The following ZNF737 variants were observed in gnomAD, a reference collection of about 807,000 sequenced individuals.
ZNF737 encodes the protein zinc finger protein 737.
ZNF737 carries 13 observed loss-of-function variants against 11.7 expected under a neutral mutation model. That is an observed-to-expected ratio of 1.11 (90% CI 0.73 to 1.77). The LOEUF (loss-of-function observed/expected upper bound fraction) is 1.77, where lower values mean the gene tolerates loss of function less well. Among genes scored for constraint, ZNF737 ranks in the 40% most tolerant of loss-of-function variants. The pLI, the probability that ZNF737 is intolerant of heterozygous loss-of-function variation, is 0.00. For missense variants in ZNF737, 636 were observed against 638.0 expected, an observed-to-expected ratio of 1.00 and a Z score of 0.03; for synonymous variants, 217 against 216.2, an observed-to-expected ratio of 1.00 and a Z score of -0.03.
At position 20,544,641 on chromosome 19, in the gene ZNF737, G is replaced by C. The variant is rs782096563; in HGVS notation, c.1562C>G (p.Pro521Arg). The C allele has an allele frequency of 1.2e-6, 2 of 1,610,812 alleles. No individual in the cohort carries two copies. Among genetic ancestry groups the C allele is most frequent in the East Asian group, 4.5e-5 (2 of 44,722 alleles). ...TACCTTATGTGTAGTAAGGGTAGAG[G>C]GGCACTTAAAGCCTTTGCCACATTC... ...CEECGKGFKC[P>R]STLTTHKVIH... The change falls in exon 4 of 4, where the codon CCC (proline) becomes CGC (arginine). Residue 521 changes from proline to arginine, a missense_variant. Pro to Arg is a moderately radical substitution (Grantham distance 103, BLOSUM62 -2). Coordinates refer to ENST00000427401, the MANE Select transcript of ZNF737 (RefSeq NM_001159293.2).
At position 20,544,572 on chromosome 19, in the gene ZNF737, C is replaced by A; in HGVS notation, c.*20G>T. ...AAAAGCATAGTGGGATAGCTTAAAGCTTTGCCACATTCCTCACATTTATAG... is the reference window on the plus strand; with the variant it reads ...AAAAGCATAGTGGGATAGCTTAAAGATTTGCCACATTCCTCACATTTATAG... On this transcript the variant is annotated 3_prime_UTR_variant, in exon 4 of 4. Transcript: ENST00000427401. The A allele has an allele frequency of 6.3e-7, 1 of 1,580,542 alleles. No homozygotes were observed. The highest frequency in any genetic ancestry group is 1.1e-5 in the South Asian group (1 of 87,110).
chr19:20,561,268 G>A (rs1969083431), intron 1 of ZNF737, among the ~76,000 whole-genome samples: 1 of 152,164 alleles, frequency 6.6e-6, no homozygotes, highest in Non-Finnish European at 1.5e-5. Context: ...TGGGGGTGGG[G>A]ATACGCCAGG....
chr19:20,537,865 CATG>C (rs1968042001), downstream of ZNF737: 3 of 169,486 alleles, frequency 1.8e-5, no homozygotes, highest in African/African-American at 7.2e-5. Flanking sequence ...GCTAAGAAGA[CATG>C]ATCTTATTCA....
intron 2 of ZNF737, among the ~76,000 whole-genome samples, chr19:20,553,059 T>G (rs970486291): frequency 1.3e-5 from 2 of 151,902 alleles, no homozygotes; most frequent in African/African-American, 4.8e-5. Context: ...TACTTTCAAT[T>G]TGTAGGTTTC....
At chr19:20,546,980 G>A (rs782630836) in intron 3 of ZNF737, among the ~76,000 whole-genome samples, 2 of 152,138 alleles carry the variant, frequency 1.3e-5, no homozygotes, top group South Asian at 4.1e-4. Flanking sequence ...AAGTCAAACT[G>A]GCAAATTCTA....
Position 20,543,612 on chromosome 19 carries a change from C to G in ZNF737, c.*980G>C. On this transcript the variant is annotated 3_prime_UTR_variant, in exon 4 of 4. Transcript: ENST00000427401. ...AACTGATTAAAAGTTTTGCCACATTCTTCACACTTGTAGGAGTTTTGCCAG... is the reference window on the plus strand; with the variant it reads ...AACTGATTAAAAGTTTTGCCACATTGTTCACACTTGTAGGAGTTTTGCCAG... 1.0e-6 allele frequency: 1 copy of G among 985,512 alleles called. No homozygotes were observed. The highest frequency in any genetic ancestry group is 1.2e-6 in the Non-Finnish European group (1 of 829,940). 61.0% of individuals were successfully genotyped at this position (985,512 alleles called of 1,614,324 possible). A position where few individuals can be genotyped will look rare whatever the true frequency, so the allele number is the denominator to read the frequency against.
intron 3 of ZNF737, among the ~76,000 whole-genome samples, chr19:20,550,347 T>C (rs8111891): frequency 0.41 from 61,725 of 152,002 alleles, 12,730 homozygotes; most frequent in Admixed American, 0.48. Flanking sequence ...CTGCAGCAAA[T>C]TTAAATTTAT....
At chr19:20,553,054 T>C (rs1364945118) in intron 2 of ZNF737, among the ~76,000 whole-genome samples, 1 of 151,920 alleles carries the variant, frequency 6.6e-6, no homozygotes, top group African/African-American at 2.4e-5. Flanking sequence ...GAAAATACTT[T>C]CAATTTGTAG....
intron 1 of ZNF737, among the ~76,000 whole-genome samples, chr19:20,559,473 G>A (rs192101611): frequency 1.0e-5 from 1 of 98,806 alleles, no homozygotes; most frequent in African/African-American, 3.9e-5. Context: ...AACCACATGT[G>A]GCTAAGAAGT....
At chr19:20,551,795 A>T (rs1454889084) in intron 3 of ZNF737, among the ~76,000 whole-genome samples, 1 of 151,970 alleles carries the variant, frequency 6.6e-6, no homozygotes, top group African/African-American at 2.4e-5. Context: ...AAAATATTTT[A>T]TGTCTAGGGA....
chr19:20,547,712 T>TTA (rs1555757381), intron 3 of ZNF737, among the ~76,000 whole-genome samples: 9 of 151,850 alleles, frequency 5.9e-5, no homozygotes, highest in African/African-American at 2.2e-4. Flanking sequence ...ATACAGAAAT[T>TTA]AAAAAAACAC....
intron 3 of ZNF737, among the ~76,000 whole-genome samples, chr19:20,548,140 T>TA (rs1248090126): frequency 5.5e-4 from 80 of 145,742 alleles, no homozygotes; most frequent in African/African-American, 1.6e-3. Flanking sequence ...AGACTCCATC[T>TA]AAAAAAAAAA....
At chr19:20,530,422 C>T in the ZNF737 span, among the ~76,000 whole-genome samples, 30 of 149,800 alleles carry the variant, frequency 2.0e-4, no homozygotes, top group Middle Eastern at 7.1e-3. Context: ...CCCCCACCTC[C>T]CTCCTGGGCG....
downstream of ZNF737, among the ~76,000 whole-genome samples, chr19:20,531,101 G>A (rs1322555540): frequency 2.3e-4 from 33 of 146,446 alleles, 2 homozygotes; most frequent in Middle Eastern, 7.4e-3. Context: ...GGCGGCGCGC[G>A]CCTGCAATCG....
intron 1 of ZNF737, among the ~76,000 whole-genome samples, chr19:20,561,987 AACAC>A (rs1457633777): frequency 5.3e-5 from 8 of 152,214 alleles, no homozygotes; most frequent in African/African-American, 1.9e-4. Flanking sequence ...GGAAAGATGA[AACAC>A]ACAGATAATC....
chr19:20,550,757 T>C (rs1042120426), intron 3 of ZNF737, among the ~76,000 whole-genome samples: 1 of 152,192 alleles, frequency 6.6e-6, no homozygotes, highest in East Asian at 1.9e-4. Flanking sequence ...TAAGTGCCTC[T>C]AAGGGAGATT....
intron 1 of ZNF737, among the ~76,000 whole-genome samples, chr19:20,562,145 C>G (rs560745191): frequency 6.6e-6 from 1 of 152,118 alleles, no homozygotes; most frequent in East Asian, 1.9e-4. Context: ...TGCACATTTT[C>G]TCCTTTTTCT....
rs542959304 is a variant in ZNF737, at chr19:20,550,872, G to C, written c.226+1603C>G. Among the ~76,000 whole-genome samples the C allele has an allele frequency of 2.1e-3, 319 of 152,328 alleles. 3 individuals carry two copies. The highest frequency in any genetic ancestry group is 2.5e-4 in the Non-Finnish European group (17 of 68,022). ...TCACGTGGGAAACTACAGTACCCCT[G>C]TTCATGGCTACAGACCAGGATAGGG... is the stretch of plus-strand genomic sequence containing the variant. On this transcript the variant is annotated intron_variant, in intron 3 of 3. Transcript: ENST00000427401.
At chr19:20,547,164 G>A (rs559740628) in intron 3 of ZNF737, among the ~76,000 whole-genome samples, 3 of 151,906 alleles carry the variant, frequency 2.0e-5, no homozygotes, top group Non-Finnish European at 4.4e-5. Flanking sequence ...GGTGGATCAC[G>A]AGGTCAGGAG....
Sources: allele counts gnomAD v4.1 joint callset (sites outside exome capture counted in the v4.1 genomes callset), GRCh38; gene constraint gnomAD v4.1.1; transcripts MANE v1.5; gene names NCBI Gene and HGNC (gene_info 2026-07-23, HGNC 2026-07-21).